MAGI1: variants seen among roughly 807,000 people sequenced by gnomAD.
The protein encoded by MAGI1 is membrane associated guanylate kinase, WW and PDZ domain containing 1.
MAGI1 carries 58 observed loss-of-function variants against 139.9 expected under a neutral mutation model. That is an observed-to-expected ratio of 0.41 (90% CI 0.34 to 0.52). The LOEUF (loss-of-function observed/expected upper bound fraction) is 0.52, where lower values mean the gene tolerates loss of function less well. MAGI1 is among the 20% of genes least tolerant of loss of function. MAGI1 has a pLI of 0.12. For synonymous variants in MAGI1, 812 were observed against 737.9 expected (o/e 1.10, Z -1.63); for missense variants, 1,874 against 1,901.6 (o/e 0.99, Z 0.27).
chr3:65,910,436 A>T (rs1280030645), intron 1 of MAGI1, among the ~76,000 whole-genome samples: 3 of 152,186 alleles, frequency 2.0e-5, no homozygotes, highest in Non-Finnish European at 4.4e-5. Context: ...AAAAACAAGC[A>T]CCCTTGAAAA....
chr3:65,396,371 G>A (rs1944395937), intron 13 of MAGI1, among the ~76,000 whole-genome samples: 1 of 152,180 alleles, frequency 6.6e-6, no homozygotes, highest in Non-Finnish European at 1.5e-5. Context: ...TGTTGGCCAT[G>A]AACCTGTATC....
chr3:65,416,766 G>C (rs1027750010), intron 12 of MAGI1, among the ~76,000 whole-genome samples: 1 of 152,104 alleles, frequency 6.6e-6, no homozygotes, highest in African/African-American at 2.4e-5. Context: ...ACTCCTAAGG[G>C]CTCCAGGCTA....
intron 1 of MAGI1, among the ~76,000 whole-genome samples, chr3:66,014,823 T>C (rs1055556838): frequency 6.6e-6 from 1 of 152,198 alleles, no homozygotes; most frequent in Admixed American, 6.5e-5. Flanking sequence ...TCTGGGTCCA[T>C]GGTACACTTG....
In MAGI1 at chr3:65,905,194, T is replaced by A. The variant is rs149542424; in HGVS notation, c.313+132802A>T. Among the ~76,000 whole-genome samples, 761 of 152,306 alleles carry A rather than the reference T, an allele frequency of 5.0e-3. 6 individuals are homozygous for A. The highest frequency in any genetic ancestry group is 0.018 in the African/African-American group (741 of 41,548). On this transcript the variant is annotated intron_variant, in intron 1 of 22. Coordinates refer to ENST00000402939, the MANE Select transcript of MAGI1 (RefSeq NM_001033057.2). ...TCAGCTAGGGTTGAGAACTACTGTT[T>A]TAGAGCACTGCTTCTCAAACTAGTT...
At chr3:65,835,118 T>G (rs2042737838) in intron 1 of MAGI1, among the ~76,000 whole-genome samples, 2 of 152,200 alleles carry the variant, frequency 1.3e-5, no homozygotes, top group South Asian at 4.1e-4. Context: ...AGGTTTTTAT[T>G]CTATTTTTTG....
At chr3:65,597,917 G>A (rs990254725) in intron 2 of MAGI1, 2 of 409,706 alleles carry the variant, frequency 4.9e-6, no homozygotes, top group African/African-American at 2.4e-5. Flanking sequence ...TGTAAAGAGA[G>A]GCGGGGGTGG....
At chr3:65,653,086 C>CT (rs769811873) in intron 1 of MAGI1, among the ~76,000 whole-genome samples, 2 of 152,048 alleles carry the variant, frequency 1.3e-5, no homozygotes, top group Non-Finnish European at 2.9e-5. Context: ...AACTTGTATA[C>CT]TTTTTTTTCT....
intron 2 of MAGI1, among the ~76,000 whole-genome samples, chr3:65,548,509 C>CTTTTTTTTTTTTTTTTTT (rs1306099660): frequency 1.7e-5 from 2 of 117,368 alleles, no homozygotes; most frequent in African/African-American, 3.5e-5. Flanking sequence ...GCAAACAACA[C>CTTTTTTTTTTTTTTTTTT]TCTTTTTTTT....
intron 1 of MAGI1, among the ~76,000 whole-genome samples, chr3:65,946,926 G>A (rs1560042601): frequency 6.6e-6 from 1 of 152,134 alleles, no homozygotes; most frequent in Admixed American, 6.5e-5. Flanking sequence ...AAAATCTAAA[G>A]TGACAAAATC....
intron 12 of MAGI1, among the ~76,000 whole-genome samples, chr3:65,412,124 T>A (rs1448991510): frequency 6.6e-6 from 1 of 152,218 alleles, no homozygotes; most frequent in Non-Finnish European, 1.5e-5. Flanking sequence ...TAAGCCCTCC[T>A]GGATGTGACC....
At chr3:66,025,132 A>G (rs1043381141) in intron 1 of MAGI1, among the ~76,000 whole-genome samples, 21 of 152,260 alleles carry the variant, frequency 1.4e-4, no homozygotes, top group Non-Finnish European at 2.8e-4. Context: ...AGAGAACTGA[A>G]AACACTCTAA....
At position 65,356,980 on chromosome 3, in the gene MAGI1, C is replaced by G. The variant is rs1487704283; in HGVS notation, c.3787G>C (p.Ala1263Pro). ...TCTCTGCTGCCTTTCGGATCCCTTGCGTGTGCCCGCTTTTCCCCATGTGGT... is the reference window on the plus strand; with the variant it reads ...TCTCTGCTGCCTTTCGGATCCCTTGGGTGTGCCCGCTTTTCCCCATGTGGT... ...SSPHGEKRAHARDPKGSREYS... is the reference protein window; with the variant it reads ...SSPHGEKRAHPRDPKGSREYS... The change falls in exon 23 of 23, where the codon GCA (alanine) becomes CCA (proline). Residue 1263 changes from alanine to proline, a missense_variant. This residue lies in a region of MAGI1 where 653 missense variants were observed against 644.5 expected (regional missense o/e 1.01). Transcript: ENST00000402939. The G allele has an allele frequency of 1.1e-5, 18 of 1,614,042 alleles. No homozygotes were observed. Among genetic ancestry groups the G allele is most frequent in the Non-Finnish European group, 1.4e-5 (16 of 1,180,028 alleles).
chr3:65,642,583 T>C (rs933062848), intron 1 of MAGI1, among the ~76,000 whole-genome samples: 1 of 152,224 alleles, frequency 6.6e-6, no homozygotes, highest in Admixed American at 6.5e-5. Context: ...TTATACATAC[T>C]GAAGTCATAC....
intron 1 of MAGI1, among the ~76,000 whole-genome samples, chr3:65,815,890 C>A (rs1044020738): frequency 2.6e-5 from 4 of 152,164 alleles, no homozygotes; most frequent in South Asian, 4.1e-4. Context: ...AGAGGCAGAA[C>A]TGACTCCCCA....
chr3:65,602,728 A>G (rs1420774844), intron 2 of MAGI1, among the ~76,000 whole-genome samples: 1 of 152,132 alleles, frequency 6.6e-6, no homozygotes, highest in African/African-American at 2.4e-5. Flanking sequence ...AAAGGTAGAA[A>G]GAAGAAATAA....
At chr3:65,877,567 A>G (rs2060163727) in intron 1 of MAGI1, among the ~76,000 whole-genome samples, 2 of 152,162 alleles carry the variant, frequency 1.3e-5, no homozygotes, top group Admixed American at 1.3e-4. Context: ...GCTCTCAGAC[A>G]TGAAATCAGT....
At chr3:65,877,884 A>C (rs1182963788) in intron 1 of MAGI1, among the ~76,000 whole-genome samples, 1 of 152,070 alleles carries the variant, frequency 6.6e-6, no homozygotes, top group Non-Finnish European at 1.5e-5. Context: ...AGGTAGGAGG[A>C]CTGCTTGAGC....
intron 6 of MAGI1, among the ~76,000 whole-genome samples, chr3:65,448,405 G>T (rs911567411): frequency 6.6e-6 from 1 of 152,146 alleles, no homozygotes; most frequent in African/African-American, 2.4e-5. Flanking sequence ...AAACAAAGCT[G>T]TTAGACCTTT....
At chr3:65,894,115 A>G (rs1252057511) in intron 1 of MAGI1, among the ~76,000 whole-genome samples, 2 of 152,168 alleles carry the variant, frequency 1.3e-5, no homozygotes, top group Admixed American at 6.5e-5. Context: ...CCTCCATACA[A>G]AAAGAAGGAA....
Sources: gnomAD v4.1 joint callset for allele counts (sites outside exome capture counted in the v4.1 genomes callset) on GRCh38, gnomAD v4.1.1 for gene constraint, gnomAD v4.1.1 regional missense constraint, MANE v1.5 for transcripts, NCBI Gene and HGNC (gene_info 2026-07-23, HGNC 2026-07-21) for gene names.